Variants in COMMD10 observed in about 807,000 individuals in gnomAD.
The protein encoded by COMMD10 is COMM domain-containing protein 10.
Under a neutral mutation model 28.9 loss-of-function variants are expected in COMMD10, and 33 were observed. That is an observed-to-expected ratio of 1.14 (90% CI 0.87 to 1.53). The LOEUF is 1.53. Ranked by LOEUF, COMMD10 falls within the 40% of genes most tolerant of loss-of-function variation. The probability of loss-of-function intolerance (pLI) is 0.00; values close to 1 mark genes in which losing one functional copy is unlikely to be tolerated. For missense variants in COMMD10, 310 were observed against 233.4 expected, an observed-to-expected ratio of 1.33 and a Z score of -2.14; for synonymous variants, 110 against 81.7, an observed-to-expected ratio of 1.35 and a Z score of -1.87.
At chr5:116,214,661 T>C (rs531954015) in intron 5 of COMMD10, among the ~76,000 whole-genome samples, 2 of 152,288 alleles carry the variant, frequency 1.3e-5, no homozygotes, top group South Asian at 2.1e-4. Flanking sequence ...AATCTCTTTT[T>C]ACTCTGATCT....
chr5:116,127,700 C>G (rs534918561), intron 4 of COMMD10, among the ~76,000 whole-genome samples: 6 of 152,268 alleles, frequency 3.9e-5, no homozygotes, highest in Non-Finnish European at 7.4e-5. Context: ...ACTGCATGTT[C>G]TCACTCATAG....
chr5:116,145,642 G>C (rs1272529529), intron 5 of COMMD10, among the ~76,000 whole-genome samples: 1 of 151,838 alleles, frequency 6.6e-6, no homozygotes, highest in Non-Finnish European at 1.5e-5. Flanking sequence ...ATCTCATCTT[G>C]AATTGCAATC....
At chr5:116,264,530 G>C (rs1317878165) in intron 5 of COMMD10, among the ~76,000 whole-genome samples, 1 of 151,780 alleles carries the variant, frequency 6.6e-6, no homozygotes, top group East Asian at 1.9e-4. Flanking sequence ...GTTATTGGAT[G>C]ATGCGAGCGC....
intron 5 of COMMD10, among the ~76,000 whole-genome samples, chr5:116,210,410 G>A (rs1748931176): frequency 6.6e-6 from 1 of 151,668 alleles, no homozygotes; most frequent in Non-Finnish European, 1.5e-5. Flanking sequence ...CTTTTTCTTA[G>A]GAAGATAATT....
intron 4 of COMMD10, among the ~76,000 whole-genome samples, chr5:116,093,082 G>A (rs1290087145): frequency 6.6e-6 from 1 of 152,152 alleles, no homozygotes; most frequent in Non-Finnish European, 1.5e-5. Context: ...CCATTATAAA[G>A]TAAAAAAATT....
chr5:116,269,578 T>A (rs1750700305), intron 5 of COMMD10, among the ~76,000 whole-genome samples: 1 of 151,934 alleles, frequency 6.6e-6, no homozygotes, highest in Non-Finnish European at 1.5e-5. Flanking sequence ...TACTTTTTAT[T>A]ACATTTATAA....
At chr5:116,229,583 C>G (rs1749477192) in intron 5 of COMMD10, among the ~76,000 whole-genome samples, 1 of 151,908 alleles carries the variant, frequency 6.6e-6, no homozygotes, top group African/African-American at 2.4e-5. Flanking sequence ...CTAAAGGACT[C>G]AAAAGGAGAA....
rs1317723572 is a variant in COMMD10 at position 116,220,620 on chromosome 5, A to G, written c.511-70897A>G. Among the ~76,000 whole-genome samples the G allele has an allele frequency of 2.0e-5, 3 of 152,182 alleles. No individual in the cohort carries two copies. In the East Asian group the frequency reaches 5.8e-4, roughly 29 times the overall value. ...AACCCAAGCATTGTATAAACACTGG[A>G]AAAATAATATAACTCACACGTCTGT... On this transcript the variant is annotated intron_variant, in intron 5 of 6. Transcript: ENST00000274458.
At chr5:116,221,194 T>A (rs1749245851) in intron 5 of COMMD10, among the ~76,000 whole-genome samples, 1 of 151,850 alleles carries the variant, frequency 6.6e-6, no homozygotes, top group Non-Finnish European at 1.5e-5. Flanking sequence ...CGGTGAGCTG[T>A]CTCAGCAAAT....
chr5:116,218,950 G>A (rs1749173974), intron 5 of COMMD10, among the ~76,000 whole-genome samples: 1 of 152,158 alleles, frequency 6.6e-6, no homozygotes, highest in Non-Finnish European at 1.5e-5. Context: ...TGTATTTGGA[G>A]ATAGGGCCTT....
chr5:116,165,996 TG>T (rs1229693172), intron 5 of COMMD10, among the ~76,000 whole-genome samples: 1 of 152,132 alleles, frequency 6.6e-6, no homozygotes, highest in Non-Finnish European at 1.5e-5. Context: ...TGAATTGAGG[TG>T]GGTCAGCTAT....
chr5:116,263,237 T>G (rs574261529), intron 5 of COMMD10, among the ~76,000 whole-genome samples: 1 of 151,878 alleles, frequency 6.6e-6, no homozygotes, highest in South Asian at 2.1e-4. Context: ...AGGACTAAGC[T>G]CTCATTTATC....
At chr5:116,183,219 T>A (rs1748031386) in intron 5 of COMMD10, among the ~76,000 whole-genome samples, 2 of 152,104 alleles carry the variant, frequency 1.3e-5, no homozygotes, top group East Asian at 1.9e-4. Context: ...AACATTATAT[T>A]GAGTTAGTCA....
intron 5 of COMMD10, among the ~76,000 whole-genome samples, chr5:116,179,487 T>C (rs1030568870): frequency 2.0e-5 from 3 of 151,988 alleles, no homozygotes; most frequent in African/African-American, 4.8e-5. Context: ...ATTCAAAGCA[T>C]GTAGAAGAAA....
At chr5:116,162,454 A>C (rs1236038162) in intron 5 of COMMD10, among the ~76,000 whole-genome samples, 2 of 152,226 alleles carry the variant, frequency 1.3e-5, no homozygotes. Context: ...GTTACACAGA[A>C]GTTGCATAAT....
intron 5 of COMMD10, among the ~76,000 whole-genome samples, chr5:116,157,805 A>G (rs1377858375): frequency 6.6e-6 from 1 of 152,166 alleles, no homozygotes; most frequent in East Asian, 1.9e-4. Context: ...AGCAGTGTAT[A>G]TAAGTTGTGA....
intron 5 of COMMD10, among the ~76,000 whole-genome samples, chr5:116,245,902 G>A (rs1353281922): frequency 6.6e-6 from 1 of 152,110 alleles, no homozygotes; most frequent in Non-Finnish European, 1.5e-5. Flanking sequence ...AAAGCTGGAA[G>A]CATTCCCCTT....
chr5:116,152,250 A>G (rs996307747), intron 5 of COMMD10, among the ~76,000 whole-genome samples: 5 of 152,106 alleles, frequency 3.3e-5, no homozygotes, highest in East Asian at 1.9e-4. Flanking sequence ...GTTCTTTTAC[A>G]TTTGCTGAGG....
intron 5 of COMMD10, among the ~76,000 whole-genome samples, chr5:116,257,061 T>G (rs4920910): frequency 6.6e-6 from 1 of 151,476 alleles, no homozygotes; most frequent in African/African-American, 2.4e-5. Flanking sequence ...GTTACTCTAC[T>G]CTGTATTTTA....
Sources: gnomAD v4.1 joint callset for allele counts (sites outside exome capture counted in the v4.1 genomes callset) on GRCh38, gnomAD v4.1.1 for gene constraint, MANE v1.5 for transcripts, NCBI Gene and HGNC (gene_info 2026-07-23, HGNC 2026-07-21) for gene names.